CTNNA2: variants seen among roughly 807,000 people sequenced by gnomAD.
CTNNA2 encodes the protein catenin alpha 2.
A neutral mutation model predicts 101.0 loss-of-function variants in CTNNA2; 42 were observed. The ratio of observed to expected loss-of-function variants is 0.42; its 90% CI spans 0.32 to 0.54. The LOEUF is 0.54. CTNNA2 is among the 20% of genes least tolerant of loss of function. The pLI is 0.14. For synonymous variants in CTNNA2, 450 were observed against 456.4 expected, an observed-to-expected ratio of 0.99 and a Z score of 0.18; for missense variants, 871 against 1,223.1, an observed-to-expected ratio of 0.71 and a Z score of 4.29.
chr2:79,294,232 AGAAGAAGAGGAG>A (rs1387547999), intron 2 of CTNNA2, among the ~76,000 whole-genome samples: 4 of 151,066 alleles, frequency 2.6e-5, no homozygotes, highest in Admixed American at 6.6e-5. Flanking sequence ...AAGAAGAAGA[AGAAGAAGAGGAG>A]GAGGAGGAGG....
intron 4 of CTNNA2, among the ~76,000 whole-genome samples, chr2:79,466,240 C>A (rs1057485428): frequency 7.9e-4 from 121 of 152,342 alleles, no homozygotes; most frequent in South Asian, 1.0e-3. Context: ...TATCCTGCAC[C>A]TGGCTTGGAG....
intron 18 of CTNNA2, among the ~76,000 whole-genome samples, chr2:80,633,327 CT>C (rs35858687): frequency 6.6e-6 from 1 of 151,992 alleles, no homozygotes; most frequent in Non-Finnish European, 1.5e-5. Context: ...ATGTAGACAG[CT>C]TTTTTGGCTG....
chr2:79,918,375 CA>C (rs755421099), intron 7 of CTNNA2, among the ~76,000 whole-genome samples: 1 of 152,164 alleles, frequency 6.6e-6, no homozygotes, highest in African/African-American at 2.4e-5. Context: ...GTGCAAAGAA[CA>C]GGACAAAGAA....
At chr2:80,028,951 A>G (rs1279349191) in intron 7 of CTNNA2, among the ~76,000 whole-genome samples, 2 of 152,220 alleles carry the variant, frequency 1.3e-5, no homozygotes, top group Admixed American at 1.3e-4. Context: ...ATAAAATAAT[A>G]AATTTGTTTT....
At chr2:80,397,302 T>C (rs1678103146) in intron 8 of CTNNA2, among the ~76,000 whole-genome samples, 1 of 152,144 alleles carries the variant, frequency 6.6e-6, no homozygotes, top group South Asian at 2.1e-4. Flanking sequence ...GTTATCTCCA[T>C]GTATTGACCA....
At chr2:79,796,357 T>C (rs572730044) in intron 3 of CTNNA2, among the ~76,000 whole-genome samples, 1 of 139,538 alleles carries the variant, frequency 7.2e-6, no homozygotes, top group African/African-American at 2.9e-5. Context: ...ATTGCGCCGC[T>C]GCATTCCAGC....
At chr2:80,433,422 G>A (rs770414434) in intron 9 of CTNNA2, among the ~76,000 whole-genome samples, 1 of 152,058 alleles carries the variant, frequency 6.6e-6, no homozygotes, top group Non-Finnish European at 1.5e-5. Flanking sequence ...AAATAATGGG[G>A]CAATAAGGAA....
chr2:79,227,327 C>T (rs985141550), intron 2 of CTNNA2, among the ~76,000 whole-genome samples: 2 of 152,078 alleles, frequency 1.3e-5, no homozygotes, highest in African/African-American at 2.4e-5. Flanking sequence ...TACATTTATT[C>T]CATCATTTGA....
At chr2:79,668,188 C>T (rs1181506343) in intron 2 of CTNNA2, among the ~76,000 whole-genome samples, 1 of 135,942 alleles carries the variant, frequency 7.4e-6, no homozygotes, top group African/African-American at 2.7e-5. Flanking sequence ...TGCAGTGAGC[C>T]GAGATTGCGC....
chr2:79,318,680 C>T (rs1676551589), intron 3 of CTNNA2, among the ~76,000 whole-genome samples: 1 of 152,224 alleles, frequency 6.6e-6, no homozygotes, highest in African/African-American at 2.4e-5. Flanking sequence ...CCAAATCTAG[C>T]CTGCTGCCTG....
chr2:80,565,614 A>G (rs940994683), intron 12 of CTNNA2, among the ~76,000 whole-genome samples: 1 of 148,268 alleles, frequency 6.7e-6, no homozygotes, highest in African/African-American at 2.5e-5. Context: ...CAGTGTGTGC[A>G]TGGGTAAATG....
chr2:80,646,788 C>G (rs1674139697), intron 18 of CTNNA2, among the ~76,000 whole-genome samples: 1 of 152,042 alleles, frequency 6.6e-6, no homozygotes, highest in South Asian at 2.1e-4. Flanking sequence ...AAAAGCCATC[C>G]TATCCAACAA....
chr2:79,293,214 G>A (rs943510071), intron 2 of CTNNA2: 2 of 152,108 alleles, frequency 1.3e-5, no homozygotes, highest in African/African-American at 4.8e-5. Flanking sequence ...CAATGGTTTT[G>A]CAGTATTGAG....
rs1338238919 is a variant in CTNNA2 at position 79,699,131 on chromosome 2, C to T, written c.103-45256C>T. Among the ~76,000 whole-genome samples the T allele has an allele frequency of 2.6e-5, 4 of 152,006 alleles. No homozygotes were observed. The South Asian group carries it at 8.3e-4, about 31-fold the overall frequency. ...TAAAAAACTAAAAAGCCACCTTTCC[C>T]ATATGCCTGTAGGACATACTGACAA... On this transcript the variant is annotated intron_variant, in intron 2 of 18. Coordinates refer to ENST00000402739, the MANE Select transcript of CTNNA2 (RefSeq NM_001282597.3).
At chr2:80,171,767 C>G (rs1705074653) in intron 7 of CTNNA2, among the ~76,000 whole-genome samples, 1 of 152,130 alleles carries the variant, frequency 6.6e-6, no homozygotes, top group Admixed American at 6.6e-5. Context: ...AACTCAGTCA[C>G]ATGGCCACAC....
rs112516809 is a variant in CTNNA2 at position 79,900,676 on chromosome 2, G to A, written c.853-8918G>A. On this transcript the variant is annotated intron_variant, in intron 6 of 18. Coordinates refer to ENST00000402739, the MANE Select transcript of CTNNA2 (RefSeq NM_001282597.3). Reference sequence around the variant, plus strand: ...GAAGGAAGGAAGCTCTGTGGTATCCGTGAAATATAAAACTTACCCAGTTAT... The same window carrying A: ...GAAGGAAGGAAGCTCTGTGGTATCCATGAAATATAAAACTTACCCAGTTAT... 2.8e-3 allele frequency among the ~76,000 whole-genome samples: 426 copies of A among 152,196 alleles called. 2 individuals are homozygous for A. Among genetic ancestry groups the A allele is most frequent in the African/African-American group, 1.0e-2 (414 of 41,520 alleles).
At chr2:79,629,682 C>A (rs980433231) in intron 1 of CTNNA2, among the ~76,000 whole-genome samples, 2 of 152,148 alleles carry the variant, frequency 1.3e-5, no homozygotes, top group Non-Finnish European at 2.9e-5. Flanking sequence ...CCAGGTGCCA[C>A]AGGCATTATG....
intron 7 of CTNNA2, among the ~76,000 whole-genome samples, chr2:80,283,579 G>A (rs1354705262): frequency 1.3e-5 from 2 of 152,130 alleles, no homozygotes; most frequent in Non-Finnish European, 2.9e-5. Flanking sequence ...TTTTCAGTGA[G>A]TATTGCTTGA....
At chr2:79,431,088 C>G (rs1678655137) in intron 4 of CTNNA2, among the ~76,000 whole-genome samples, 1 of 152,004 alleles carries the variant, frequency 6.6e-6, no homozygotes, top group South Asian at 2.1e-4. Context: ...TGAGGAGAAT[C>G]CTATTCAGTC....
Sources: allele counts gnomAD v4.1 joint callset (sites outside exome capture counted in the v4.1 genomes callset), GRCh38; gene constraint gnomAD v4.1.1; transcripts MANE v1.5; gene names NCBI Gene and HGNC (gene_info 2026-07-23, HGNC 2026-07-21).